Variants in LRCH4 observed in about 807,000 individuals in gnomAD.
The protein encoded by LRCH4 is leucine rich repeats and calponin homology domain containing 4, also known as leucine-rich repeat and calponin homology domain-containing protein 4.
Under a neutral mutation model 81.2 loss-of-function variants are expected in LRCH4, and 56 were observed. That is an observed-to-expected ratio of 0.69 (90% CI 0.56 to 0.86). The LOEUF is 0.86. Among genes scored for constraint, LRCH4 ranks in the 40% least tolerant of loss-of-function variants. The pLI is 0.00. For synonymous variants in LRCH4, 442 were observed against 409.7 expected (o/e 1.08, Z -0.95); for missense variants, 895 against 922.8 (o/e 0.97, Z 0.39).
Position 100,575,933 on chromosome 7 carries a change from G to A in LRCH4, c.1714C>T (p.Gln572Ter). 1 of 1,611,508 alleles carries A rather than the reference G, an allele frequency of 6.2e-7. No homozygotes were observed. The highest frequency in any genetic ancestry group is 8.5e-7 in the Non-Finnish European group (1 of 1,179,138). Residue 572 changes from glutamine (Q) to a stop codon, truncating the protein, a stop_gained, in exon 16 of 18, where the codon CAG becomes TAG. Transcript: ENST00000310300. LOFTEE classifies it high-confidence loss of function. The surrounding 1 kb of genome is among the most constrained non-coding windows in gnomAD (Gnocchi z 5.3). ...CGCGGCCGTAGCTGGTTGGCCAGCTGGCACAGGATGACCCCACTGGCCAGA... is the reference window on the plus strand; with the variant it reads ...CGCGGCCGTAGCTGGTTGGCCAGCTAGCACAGGATGACCCCACTGGCCAGA... ...EALASGVILC[Q>*]LANQLRPRSV...
At position 100,583,654 on chromosome 7, in the gene LRCH4, G is replaced by A. The variant is rs1044751163; in HGVS notation, c.221-1195C>T. 6.6e-6 allele frequency among the ~76,000 whole-genome samples: 1 copy of A among 152,224 alleles called. No individual in the cohort carries two copies. The highest frequency in any genetic ancestry group is 2.4e-5 in the African/African-American group (1 of 41,452). ...TGGTAGGCCCCGTGTTTACCAGGGT[G>A]GATGACAGCCTGATGCCCCGGGACC... is the stretch of plus-strand genomic sequence containing the variant. On this transcript the variant is annotated intron_variant, in intron 1 of 17. Transcript: ENST00000310300. The surrounding 1 kb of genome is among the most constrained non-coding windows in gnomAD (Gnocchi z 4.3).
intron 1 of LRCH4, among the ~76,000 whole-genome samples, chr7:100,584,377 C>A (rs1297325715): frequency 6.6e-6 from 1 of 151,820 alleles, no homozygotes; most frequent in African/African-American, 2.4e-5. Flanking sequence ...CCCCCCCAAG[C>A]TCACAGGAGC....
rs1252275535 is a variant in LRCH4 at position 100,575,707 on chromosome 7, CAGG to C, written c.1849_1851del (p.Pro617del). On this transcript the variant is annotated inframe_deletion, in exon 17 of 18. Coordinates refer to ENST00000310300, the MANE Select transcript of LRCH4 (RefSeq NM_002319.5). The surrounding 1 kb of genome is among the most constrained non-coding windows in gnomAD (Gnocchi z 5.3). ...TCTTTAGAAAGCAGCCCCCATACCT[CAGG>C]CACCCCCATTTTTCGACAGGCTTCT... The C allele has an allele frequency of 8.1e-6, 13 of 1,613,996 alleles. No individual in the cohort carries two copies. Among genetic ancestry groups the C allele is most frequent in the African/African-American group, 2.7e-5 (2 of 74,942 alleles).
In LRCH4 at chr7:100,575,412, C is replaced by A; in HGVS notation, c.1855-108G>T. ...TCACGTGCTGGGGCCAGAACCACGCCCACATGCTGACGTGCTGGGCAGGGG... is the reference window on the plus strand; with the variant it reads ...TCACGTGCTGGGGCCAGAACCACGCACACATGCTGACGTGCTGGGCAGGGG... On this transcript the variant is annotated intron_variant, in intron 17 of 17. Coordinates refer to ENST00000310300, the MANE Select transcript of LRCH4 (RefSeq NM_002319.5). The surrounding 1 kb of genome is among the most constrained non-coding windows in gnomAD (Gnocchi z 5.3). 1 of 1,074,866 alleles carries A rather than the reference C, an allele frequency of 9.3e-7. No homozygotes were observed. The highest frequency in any genetic ancestry group is 1.4e-5 in the South Asian group (1 of 70,746). 66.6% of individuals were successfully genotyped at this position (1,074,866 alleles called of 1,614,324 possible). A position where few individuals can be genotyped will look rare whatever the true frequency, so the allele number is the denominator to read the frequency against.
chr7:100,575,855 C>T lies in LRCH4; in HGVS notation c.1776+16G>A, dbSNP rs1279859099. On this transcript the variant is annotated intron_variant, in intron 16 of 17. Coordinates refer to ENST00000310300, the MANE Select transcript of LRCH4 (RefSeq NM_002319.5). This position sits in a 1 kb window ranked among gnomAD's most constrained non-coding sequence, Gnocchi z 5.3. ...GCCCCGGCCCATCCCCCACCTCTTC[C>T]CCAGCCCCAACTGACCACAGCAGGG... 1 of 1,612,280 alleles carries T rather than the reference C, an allele frequency of 6.2e-7. No homozygotes were observed. The highest frequency in any genetic ancestry group is 8.5e-7 in the Non-Finnish European group (1 of 1,178,748).
At chr7:100,579,389 A>G (rs1801465113) in intron 4 of LRCH4, 1 of 152,734 alleles carries the variant, frequency 6.5e-6, no homozygotes, top group African/African-American at 2.4e-5. Context: ...CAAGGTCAAG[A>G]GATTGAGACC....
At chr7:100,584,118 GA>G in intron 1 of LRCH4, 1 of 456,548 alleles carries the variant, frequency 2.2e-6, no homozygotes, top group South Asian at 1.5e-5. Context: ...TGGGAGACGG[GA>G]GGGGAAGGCT....
intron 4 of LRCH4, chr7:100,580,475 T>TACAC (rs549628613): frequency 8.3e-6 from 1 of 120,894 alleles, no homozygotes; most frequent in Non-Finnish European, 1.7e-5. Flanking sequence ...ACAACATACA[T>TACAC]ACACACAGAC....
chr7:100,584,102 A>G, intron 1 of LRCH4: 2 of 455,978 alleles, frequency 4.4e-6, no homozygotes, highest in Non-Finnish European at 8.8e-6. Context: ...GACACTCAGA[A>G]AGAGATGGGA....
rs1247091983 is a variant in LRCH4, at chr7:100,583,558, G to A, written c.221-1099C>T. On this transcript the variant is annotated intron_variant, in intron 1 of 17. Transcript: ENST00000310300. This position sits in a 1 kb window ranked among gnomAD's most constrained non-coding sequence, Gnocchi z 4.3. ...CAAAAGCAAGCAGAGGAGAGAAGCC[G>A]GGTATATCCCCCAAGGAAATGAGTC... Among the ~76,000 whole-genome samples, 1 of 152,176 alleles carries A rather than the reference G, an allele frequency of 6.6e-6. No individual in the cohort carries two copies. The highest frequency in any genetic ancestry group is 1.5e-5 in the Non-Finnish European group (1 of 68,026).
At chr7:100,584,698 A>G in intron 1 of LRCH4, 1 of 456,616 alleles carries the variant, frequency 2.2e-6, no homozygotes, top group South Asian at 1.5e-5. Flanking sequence ...AGTGTTGCAG[A>G]GCAGGCGAGA....
chr7:100,575,557 G>A lies in LRCH4; in HGVS notation c.1854+148C>T. 9.9e-7 allele frequency: 1 copy of A among 1,012,450 alleles called. No homozygotes were observed. The highest frequency in any genetic ancestry group is 1.6e-6 in the Non-Finnish European group (1 of 639,146). 62.7% of individuals were successfully genotyped at this position (1,012,450 alleles called of 1,614,324 possible). ...AGGTGACATGCAGGGCAGGGGGCAT[G>A]CAGGGCAGGGGGCATGCTGGGCAGG... is the stretch of plus-strand genomic sequence containing the variant. On this transcript the variant is annotated intron_variant, in intron 17 of 17. Coordinates refer to ENST00000310300, the MANE Select transcript of LRCH4 (RefSeq NM_002319.5). The surrounding 1 kb of genome is among the most constrained non-coding windows in gnomAD (Gnocchi z 5.3).
rs778267206 is a variant in LRCH4 at position 100,576,684 on chromosome 7, G to A, written c.1552+10C>T. 21 of 1,580,714 alleles carry A rather than the reference G, an allele frequency of 1.3e-5. No individual in the cohort carries two copies. The African/African-American group carries it at 1.5e-4, about 11-fold the overall frequency. On this transcript the variant is annotated intron_variant, in intron 14 of 17. Transcript: ENST00000310300. Reference sequence around the variant, plus strand: ...CACTGGGTCAGCACTGGGGAGGGCAGGACACCCACCTGAGCCACTCTGAGA... The same window carrying A: ...CACTGGGTCAGCACTGGGGAGGGCAAGACACCCACCTGAGCCACTCTGAGA...
At position 100,582,200 on chromosome 7, in the gene LRCH4, C is replaced by T; in HGVS notation, c.366-33G>A. 2.5e-6 allele frequency: 4 copies of T among 1,613,432 alleles called. No individual in the cohort carries two copies. Among genetic ancestry groups the T allele is most frequent in the Non-Finnish European group, 3.4e-6 (4 of 1,179,898 alleles). ...AGGGAGAAAGGCAGCGGACTGGCTCCCCAGGCATGGCATCCCAGCACTGCC... is the reference window on the plus strand; with the variant it reads ...AGGGAGAAAGGCAGCGGACTGGCTCTCCAGGCATGGCATCCCAGCACTGCC... On this transcript the variant is annotated intron_variant, in intron 2 of 17. Transcript: ENST00000310300. This position sits in a 1 kb window ranked among gnomAD's most constrained non-coding sequence, Gnocchi z 5.0.
At chr7:100,581,168 T>C (rs1801545343) in intron 4 of LRCH4, among the ~76,000 whole-genome samples, 1 of 152,224 alleles carries the variant, frequency 6.6e-6, no homozygotes, top group African/African-American at 2.4e-5. Flanking sequence ...CTAGAGCTGA[T>C]GCACCCACCA....
At chr7:100,584,548 AG>A (rs1288594791) in intron 1 of LRCH4, 2 of 350,938 alleles carry the variant, frequency 5.7e-6, no homozygotes, top group Non-Finnish European at 1.1e-5. Flanking sequence ...AAAACAACCA[AG>A]GGGGAGGGGA....
At position 100,575,001 on chromosome 7, in the gene LRCH4, A is replaced by T; in HGVS notation, c.*106T>A. The stretch of plus-strand genomic sequence containing the variant: ...TCAGTGTCTGTGAAGGGGGTGCACT[A>T]GTGTCTTTGGTTGGGGCTGAAGGCA... On this transcript the variant is annotated 3_prime_UTR_variant, in exon 18 of 18. Coordinates refer to ENST00000310300, the MANE Select transcript of LRCH4 (RefSeq NM_002319.5). This position sits in a 1 kb window ranked among gnomAD's most constrained non-coding sequence, Gnocchi z 5.3. 1 of 1,055,026 alleles carries T rather than the reference A, an allele frequency of 9.5e-7. No homozygotes were observed. Among genetic ancestry groups the T allele is most frequent in the Non-Finnish European group, 1.4e-6 (1 of 732,854 alleles). The allele number at this position is 1,055,026 out of a possible 1,614,324, so 65.4% of individuals were successfully genotyped here.
chr7:100,576,846 C>T (rs750086082), intron 13 of LRCH4, 56 bp downstream of exon 13: 13 of 1,538,152 alleles, frequency 8.5e-6, no homozygotes, highest in East Asian at 2.4e-5. Flanking sequence ...GTCCCTCTCT[C>T]CCAACCAGCC....
intron 14 of LRCH4, 158 bp from the exon 15 acceptor site, chr7:100,576,481 C>A: frequency 1.5e-6 from 1 of 672,846 alleles, no homozygotes; most frequent in Non-Finnish European, 2.6e-6. Flanking sequence ...CCAGGCTGGT[C>A]TTGAATTCCT....
Sources: gnomAD v4.1 joint callset for allele counts (sites outside exome capture counted in the v4.1 genomes callset) on GRCh38, gnomAD v4.1.1 for gene constraint, Gnocchi (gnomAD v3.1) non-coding constraint, MANE v1.5 for transcripts, NCBI Gene and HGNC (gene_info 2026-07-23, HGNC 2026-07-21) for gene names.